FGD4: variants seen among roughly 807,000 people sequenced by gnomAD.
FGD4 encodes FYVE, RhoGEF and PH domain-containing protein 4.
In FGD4, 42 loss-of-function variants were observed where a neutral mutation model predicts 102.0. The observed-to-expected ratio is 0.41, with a 90% confidence interval of 0.32 to 0.53. The LOEUF (loss-of-function observed/expected upper bound fraction) is 0.53. Ranked by LOEUF, FGD4 falls within the 20% of genes least tolerant of loss-of-function variation. The pLI, the probability that FGD4 is intolerant of heterozygous loss-of-function variation, is 0.21. For synonymous variants in FGD4, 380 were observed against 375.7 expected (o/e 1.01, Z -0.13); for missense variants, 902 against 1,078.2 (o/e 0.84, Z 2.29).
intron 13 of FGD4, 138 bp downstream of exon 13, chr12:32,625,206 T>A (rs1342944719): frequency 1.0e-5 from 7 of 687,006 alleles, no homozygotes; most frequent in Admixed American, 2.2e-5. Context: ...TCATTCTTTC[T>A]TAGATGAACA....
At chr12:32,497,757 G>T (rs943811281) in intron 1 of FGD4, among the ~76,000 whole-genome samples, 2 of 152,144 alleles carry the variant, frequency 1.3e-5, no homozygotes, top group Non-Finnish European at 2.9e-5. Flanking sequence ...AGGTACAATT[G>T]CCATTTCAAC....
chr12:32,434,101 G>A (rs1051416156), intron 1 of FGD4, among the ~76,000 whole-genome samples: 6 of 151,886 alleles, frequency 4.0e-5, no homozygotes, highest in African/African-American at 1.2e-4. Context: ...TGATCCGCCC[G>A]CCTCAGCCTC....
intron 1 of FGD4, among the ~76,000 whole-genome samples, chr12:32,482,555 G>A (rs1039382919): frequency 6.6e-6 from 1 of 152,166 alleles, no homozygotes; most frequent in Non-Finnish European, 1.5e-5. Context: ...CTGTAGGACT[G>A]CAAGATATGT....
intron 4 of FGD4, among the ~76,000 whole-genome samples, chr12:32,586,142 A>C (rs796864711): frequency 3.3e-5 from 5 of 152,336 alleles, no homozygotes; most frequent in African/African-American, 9.6e-5. Context: ...AGCTAAGAAC[A>C]GACTGCAATG....
At chr12:32,473,450 G>A (rs1030862498) in intron 1 of FGD4, among the ~76,000 whole-genome samples, 1 of 151,966 alleles carries the variant, frequency 6.6e-6, no homozygotes, top group Non-Finnish European at 1.5e-5. Flanking sequence ...CTTAAAAGCT[G>A]TAACACTCAC....
intron 1 of FGD4, among the ~76,000 whole-genome samples, chr12:32,486,460 A>T (rs1943904077): frequency 6.6e-6 from 1 of 152,204 alleles, no homozygotes; most frequent in Non-Finnish European, 1.5e-5. Context: ...AGTAAGTGCA[A>T]CCACTGTTGA....
At chr12:32,626,905 T>C (rs1950208044) in intron 14 of FGD4, among the ~76,000 whole-genome samples, 1 of 152,190 alleles carries the variant, frequency 6.6e-6, no homozygotes. Context: ...TGGAGTGCAA[T>C]GATGCGATCT....
At chr12:32,453,512 G>A (rs987100899) in intron 1 of FGD4, among the ~76,000 whole-genome samples, 17 of 151,888 alleles carry the variant, frequency 1.1e-4, no homozygotes, top group Admixed American at 1.1e-3. Flanking sequence ...GGGATTACAG[G>A]TGTGAGCCAC....
chr12:32,582,545 A>C, intron 4 of FGD4, 78 bp downstream of exon 4: 1 of 1,565,888 alleles, frequency 6.4e-7, no homozygotes, highest in Non-Finnish European at 8.6e-7. Flanking sequence ...TATTTATTGC[A>C]CCCCTGAAAT....
intron 3 of FGD4, among the ~76,000 whole-genome samples, chr12:32,577,751 CT>C (rs1315965431): frequency 6.6e-6 from 1 of 151,708 alleles, no homozygotes; most frequent in African/African-American, 2.4e-5. Flanking sequence ...CCATTTAAAA[CT>C]TTTTTTTTGC....
In FGD4 at chr12:32,644,318, C is replaced by T. The variant is rs561973681; in HGVS notation, c.*3785C>T. The T allele has an allele frequency of 6.6e-6, 1 of 152,190 alleles. No individual in the cohort carries two copies. Among genetic ancestry groups the T allele is most frequent in the East Asian group, 1.9e-4 (1 of 5,180 alleles). 9.4% of individuals were successfully genotyped at this position (152,190 alleles called of 1,614,324 possible). A position where few individuals can be genotyped will look rare whatever the true frequency, so the allele number is the denominator to read the frequency against. On this transcript the variant is annotated 3_prime_UTR_variant, in exon 17 of 17. Coordinates refer to ENST00000534526, the MANE Select transcript of FGD4 (RefSeq NM_001370298.3). The stretch of plus-strand genomic sequence containing the variant: ...CTTGTTATTTGCATACTATTATCTA[C>T]TATAGATTCTCAGCTTTAGAAAATG...
chr12:32,477,439 C>T (rs892198752), intron 1 of FGD4: 7 of 152,426 alleles, frequency 4.6e-5, no homozygotes, highest in African/African-American at 1.4e-4. Flanking sequence ...TCTGTCATTC[C>T]GATTTTAGTA....
At position 32,627,162 on chromosome 12, in the gene FGD4, C is replaced by CTT. The variant is rs201386572; in HGVS notation, c.2172+1392_2172+1393dup. 2.9e-4 allele frequency among the ~76,000 whole-genome samples: 40 copies of CTT among 136,482 alleles called. 1 individual carries two copies. The highest frequency in any genetic ancestry group is 8.2e-4 in the African/African-American group (30 of 36,640). The allele number at this position is 136,482 out of a possible 152,430, so 89.5% of individuals were successfully genotyped here. ...ACGTCCGGCTAAATACATTTTTTTT[C>CTT]TTTTTTTTTTGAGACAGAGTCTCAC... On this transcript the variant is annotated intron_variant, in intron 14 of 16. Coordinates refer to ENST00000534526, the MANE Select transcript of FGD4 (RefSeq NM_001370298.3).
chr12:32,457,827 G>A (rs901766971), intron 1 of FGD4, among the ~76,000 whole-genome samples: 1 of 152,158 alleles, frequency 6.6e-6, no homozygotes, highest in Non-Finnish European at 1.5e-5. Context: ...AGTCCCTAGG[G>A]CTGAAAGGGA....
Position 32,640,632 on chromosome 12 carries a change from A to G in FGD4, c.*99A>G. ...ATCTGCTAGCACTTTATGTTGAAAA[A>G]TATAGGCCCATAAATGCATCTTTTG... On this transcript the variant is annotated 3_prime_UTR_variant, in exon 17 of 17. Transcript: ENST00000534526. The G allele has an allele frequency of 6.5e-7, 1 of 1,528,170 alleles. No individual in the cohort carries two copies. The highest frequency in any genetic ancestry group is 9.0e-7 in the Non-Finnish European group (1 of 1,114,462). 94.7% of individuals were successfully genotyped at this position (1,528,170 alleles called of 1,614,324 possible).
chr12:32,609,605 AG>A (rs1185743557), intron 8 of FGD4, among the ~76,000 whole-genome samples: 4 of 152,188 alleles, frequency 2.6e-5, no homozygotes, highest in African/African-American at 9.7e-5. Context: ...AAAATGAGAA[AG>A]TTGGTGACAT....
chr12:32,501,115 A>G (rs959996289), intron 1 of FGD4, among the ~76,000 whole-genome samples: 2 of 152,228 alleles, frequency 1.3e-5, no homozygotes, highest in Non-Finnish European at 2.9e-5. Flanking sequence ...ACAGTGATGC[A>G]GTCATGGCTT....
intron 13 of FGD4, 40 bp from the exon 14 acceptor site, chr12:32,625,614 G>GT (rs764383910): frequency 1.9e-6 from 3 of 1,599,232 alleles, no homozygotes; most frequent in Non-Finnish European, 2.6e-6. Context: ...GGGAATTATA[G>GT]TTTTTTTCTA....
chr12:32,589,075 C>G (rs1045800909), intron 4 of FGD4, among the ~76,000 whole-genome samples: 1 of 152,154 alleles, frequency 6.6e-6, no homozygotes, highest in Non-Finnish European at 1.5e-5. Flanking sequence ...GTTTCCTCAT[C>G]TGTAAAATGG....
Sources: gnomAD v4.1 joint callset for allele counts (sites outside exome capture counted in the v4.1 genomes callset) on GRCh38, gnomAD v4.1.1 for gene constraint, MANE v1.5 for transcripts, NCBI Gene and HGNC (gene_info 2026-07-23, HGNC 2026-07-21) for gene names.